Variants in MACF1 observed in about 807,000 individuals in gnomAD.
MACF1 encodes the protein microtubule-actin cross-linking factor 1.
In MACF1, 193 loss-of-function variants were observed where a neutral mutation model predicts 854.8. The ratio of observed to expected loss-of-function variants is 0.23; its 90% CI spans 0.20 to 0.25. The LOEUF (loss-of-function observed/expected upper bound fraction) is 0.25, where lower values mean the gene tolerates loss of function less well. Among genes scored for constraint, MACF1 ranks in the 10% least tolerant of loss-of-function variants. The probability of loss-of-function intolerance (pLI) is 1.00; values close to 1 mark genes in which losing one functional copy is unlikely to be tolerated. For synonymous variants in MACF1, 3,185 were observed against 3,226.7 expected (o/e 0.99, Z 0.44); for missense variants, 7,722 against 8,929.1 (o/e 0.86, Z 5.45).
In MACF1 at chr1:39,387,170, T is replaced by C; in HGVS notation, c.14345-17T>C. ...GGTTCAGGCTTTATTGATTTCAATT[T>C]TATTTTCTCATTTCAGCCGATCGCA... On this transcript the variant is annotated splice_polypyrimidine_tract_variant and intron_variant, in intron 57 of 100. Coordinates refer to ENST00000564288, the MANE Select transcript of MACF1 (RefSeq NM_001394062.1). The C allele has an allele frequency of 6.2e-7, 1 of 1,605,848 alleles. No individual in the cohort carries two copies. The highest frequency in any genetic ancestry group is 8.5e-7 in the Non-Finnish European group (1 of 1,176,068).
intron 2 of MACF1, among the ~76,000 whole-genome samples, chr1:39,195,979 G>A (rs183188788): frequency 6.6e-6 from 1 of 152,274 alleles, no homozygotes; most frequent in East Asian, 1.9e-4. Flanking sequence ...TTTGTGGTCA[G>A]ATGTAGTTTG....
At chr1:39,107,306 C>T (rs562742774) in intron 2 of MACF1, among the ~76,000 whole-genome samples, 2 of 151,936 alleles carry the variant, frequency 1.3e-5, no homozygotes, top group South Asian at 4.1e-4. Flanking sequence ...GGGCTTGTTC[C>T]AGGAGAGACC....
At chr1:39,138,564 G>A (rs935711209) in intron 2 of MACF1, among the ~76,000 whole-genome samples, 7 of 151,558 alleles carry the variant, frequency 4.6e-5, no homozygotes, top group Admixed American at 6.6e-5. Flanking sequence ...CAGCCTAGGC[G>A]ACAGAGAGAG....
chr1:39,407,627 T>C (rs1331996364), intron 58 of MACF1, among the ~76,000 whole-genome samples: 1 of 152,226 alleles, frequency 6.6e-6, no homozygotes, highest in East Asian at 1.9e-4. Context: ...AAAGGTCTTT[T>C]AGTTGCCTAA....
At chr1:39,484,824 G>A (rs1296233937) in intron 100 of MACF1, 94 bp downstream of exon 100, 2 of 1,444,124 alleles carry the variant, frequency 1.4e-6, no homozygotes, top group East Asian at 2.3e-5. Context: ...AGCGGGTAAT[G>A]AGAGTGGCAC....
In MACF1 at chr1:39,331,213, C is replaced by A. The variant is rs752702654; in HGVS notation, c.4625C>A (p.Ala1542Glu). Reference sequence around the variant, plus strand: ...TTTTTTTTTTTTTAGGAATGCAGAGCAGTTGCTGGGGTGATTGACCTAGGC... The same window carrying A: ...TTTTTTTTTTTTTAGGAATGCAGAGAAGTTGCTGGGGTGATTGACCTAGGC... ...AHQTEQKECR[A>E]VAGVIDLGTV... Residue 1542 changes from alanine to glutamate, a missense_variant, in exon 37 of 101, where the codon GCA becomes GAA. Coordinates refer to ENST00000564288, the MANE Select transcript of MACF1 (RefSeq NM_001394062.1). 4.8e-6 allele frequency: 6 copies of A among 1,258,296 alleles called. No homozygotes were observed. Among genetic ancestry groups the A allele is most frequent in the East Asian group, 2.7e-5 (1 of 36,392 alleles). The allele number at this position is 1,258,296 out of a possible 1,614,324, so 77.9% of individuals were successfully genotyped here. A position where few individuals can be genotyped will look rare whatever the true frequency, so the allele number is the denominator to read the frequency against.
intron 2 of MACF1, among the ~76,000 whole-genome samples, chr1:39,111,661 G>A (rs1642409870): frequency 1.3e-5 from 2 of 152,008 alleles, no homozygotes; most frequent in South Asian, 2.1e-4. Context: ...GATTACAGGC[G>A]TGAGCCACCG....
chr1:39,477,000 G>A (rs1353347219), intron 97 of MACF1, among the ~76,000 whole-genome samples: 3 of 130,388 alleles, frequency 2.3e-5, no homozygotes, highest in Non-Finnish European at 3.3e-5. Context: ...CCACAGTCCC[G>A]TTCTCCCTCT....
intron 85 of MACF1, among the ~76,000 whole-genome samples, chr1:39,451,454 G>GT (rs1644339527): frequency 6.6e-6 from 1 of 152,116 alleles, no homozygotes; most frequent in Admixed American, 6.6e-5. Flanking sequence ...GCCTCTTCCT[G>GT]TTTGTTTCTC....
intron 2 of MACF1, among the ~76,000 whole-genome samples, chr1:39,231,803 C>T (rs1233276377): frequency 6.6e-6 from 1 of 151,850 alleles, no homozygotes; most frequent in Non-Finnish European, 1.5e-5. Context: ...CCTCTGCCTC[C>T]CAAAGTGTTA....
rs1643930489 is a variant in MACF1 at position 39,434,479 on chromosome 1, C to T, written c.17631C>T (p.Ala5877=). 1 of 1,613,344 alleles carries T rather than the reference C, an allele frequency of 6.2e-7. No homozygotes were observed. The highest frequency in any genetic ancestry group is 8.5e-7 in the Non-Finnish European group (1 of 1,179,962). The part of the protein sequence containing the change: ...AISLLNSERY[A]RLERAQVLVN... ...GCCTACTCAATTCAGAGCGTTATGC[C>T]CGCCTAGAGCGGGCCCAGGTCTTAG... Residue 5877 remains alanine (A), a synonymous_variant, in exon 69 of 101, where the codon GCC becomes GCT. Coordinates refer to ENST00000564288, the MANE Select transcript of MACF1 (RefSeq NM_001394062.1).
intron 61 of MACF1, among the ~76,000 whole-genome samples, chr1:39,426,154 ATGTT>A (rs1643719712): frequency 6.6e-6 from 1 of 152,178 alleles, no homozygotes; most frequent in South Asian, 2.1e-4. Context: ...TTAATATTGT[ATGTT>A]TTAGTTGCAT....
rs1282079452 is a variant in MACF1, at chr1:39,474,215, T to C, written c.21958+4600T>C. On this transcript the variant is annotated intron_variant, in intron 97 of 100. Transcript: ENST00000564288. Reference sequence around the variant, plus strand: ...CAGCCGGGCCAATATGGTGAAACGCTGTTTCTACTGAAAATATAAAAAAAT... The same window carrying C: ...CAGCCGGGCCAATATGGTGAAACGCCGTTTCTACTGAAAATATAAAAAAAT... 3.3e-5 allele frequency among the ~76,000 whole-genome samples: 5 copies of C among 152,084 alleles called. No individual in the cohort carries two copies. The South Asian group carries it at 6.2e-4, about 19-fold the overall frequency.
chr1:39,285,895 G>A, intron 14 of MACF1, 137 bp downstream of exon 14: 1 of 909,250 alleles, frequency 1.1e-6, no homozygotes, highest in South Asian at 1.8e-5. Flanking sequence ...GATACTACAG[G>A]TCTCTTGGGC....
At chr1:39,411,603 A>G (rs1643009594) in intron 58 of MACF1, 1 of 1,613,962 alleles carries the variant, frequency 6.2e-7, no homozygotes, top group East Asian at 2.2e-5. Context: ...TTTCAGATTC[A>G]GCATGTACTG....
intron 2 of MACF1, among the ~76,000 whole-genome samples, chr1:39,090,773 C>T (rs1476121241): frequency 6.6e-6 from 1 of 152,146 alleles, no homozygotes; most frequent in African/African-American, 2.4e-5. Context: ...TTAGATGCCA[C>T]CAGAGTAGCT....
chr1:39,383,800 T>C (rs1328339328), intron 56 of MACF1, among the ~76,000 whole-genome samples: 2 of 151,322 alleles, frequency 1.3e-5, no homozygotes, highest in South Asian at 4.2e-4. Flanking sequence ...TGGCATGAAC[T>C]CGGGAGGCGA....
At position 39,347,229 on chromosome 1, in the gene MACF1, C is replaced by T. The variant is rs1486589784; in HGVS notation, c.10815+19C>T. ...GGTGAAGGTCAGACTGAACCAGCAG[C>T]TGGGCTCAGTTTGTCTTTGGGGATG... On this transcript the variant is annotated intron_variant, in intron 41 of 100. Coordinates refer to ENST00000564288, the MANE Select transcript of MACF1 (RefSeq NM_001394062.1). 6.4e-7 allele frequency: 1 copy of T among 1,568,646 alleles called. No homozygotes were observed. The highest frequency in any genetic ancestry group is 1.1e-5 in the South Asian group (1 of 89,788).
At chr1:39,137,555 G>C (rs1283361381) in intron 2 of MACF1, among the ~76,000 whole-genome samples, 1 of 152,034 alleles carries the variant, frequency 6.6e-6, no homozygotes, top group East Asian at 1.9e-4. Flanking sequence ...TTGTAAAGAC[G>C]AAGTCTCATT....
Sources: gnomAD v4.1 joint callset for allele counts (sites outside exome capture counted in the v4.1 genomes callset) on GRCh38, gnomAD v4.1.1 for gene constraint, MANE v1.5 for transcripts, NCBI Gene and HGNC (gene_info 2026-07-23, HGNC 2026-07-21) for gene names.